The following TENM3 variants were observed in gnomAD, a reference collection of about 807,000 sequenced individuals.
TENM3 encodes the protein teneurin transmembrane protein 3.
A neutral mutation model predicts 255.1 loss-of-function variants in TENM3; 63 were observed. The observed-to-expected ratio is 0.25, with a 90% confidence interval of 0.20 to 0.30. TENM3 has a LOEUF of 0.30. Among genes scored for constraint, TENM3 ranks in the 10% least tolerant of loss-of-function variants. TENM3 has a pLI of 1.00. For synonymous variants in TENM3, 1,306 were observed against 1,322.3 expected (o/e 0.99, Z 0.27); for missense variants, 2,929 against 3,461.1 (o/e 0.85, Z 3.86).
At chr4:182,687,698 A>C (rs1301504994) in intron 11 of TENM3, among the ~76,000 whole-genome samples, 2 of 152,182 alleles carry the variant, frequency 1.3e-5, no homozygotes, top group African/African-American at 4.8e-5. Flanking sequence ...TAAATGTGGC[A>C]TTAGAAACAA....
chr4:182,481,099 T>G (rs1050839111), intron 3 of TENM3, among the ~76,000 whole-genome samples: 1 of 152,104 alleles, frequency 6.6e-6, no homozygotes, highest in African/African-American at 2.4e-5. Flanking sequence ...AGTGAATAAT[T>G]GAGAATTTGT....
At chr4:182,584,883 C>A (rs1004299430) in intron 3 of TENM3, among the ~76,000 whole-genome samples, 4 of 152,072 alleles carry the variant, frequency 2.6e-5, no homozygotes, top group Admixed American at 1.3e-4. Context: ...CTCAGGCAAT[C>A]CACCCACCTC....
chr4:181,569,741 T>C, the TENM3 span, among the ~76,000 whole-genome samples: 4 of 152,212 alleles, frequency 2.6e-5, no homozygotes, highest in Admixed American at 2.6e-4. Flanking sequence ...TGCCACTAGA[T>C]GTCAGGAACA....
chr4:182,780,869 G>A (rs1461441477), intron 24 of TENM3, among the ~76,000 whole-genome samples: 44 of 150,286 alleles, frequency 2.9e-4, no homozygotes, highest in African/African-American at 1.0e-3. Flanking sequence ...TCTGTTGTTG[G>A]TGTATAAGAA....
chr4:181,787,324 A>G, the TENM3 span, among the ~76,000 whole-genome samples: 1 of 150,138 alleles, frequency 6.7e-6, no homozygotes, highest in African/African-American at 2.5e-5. Flanking sequence ...GGCCATCATC[A>G]TCTTGCTACA....
chr4:182,109,466 A>C, the TENM3 span, among the ~76,000 whole-genome samples: 1 of 152,106 alleles, frequency 6.6e-6, no homozygotes, highest in Admixed American at 6.6e-5. Flanking sequence ...TGACAGAAAG[A>C]AAAATATTAC....
chr4:181,692,328 C>G, the TENM3 span, among the ~76,000 whole-genome samples: 5 of 152,134 alleles, frequency 3.3e-5, no homozygotes, highest in African/African-American at 1.2e-4. Flanking sequence ...TCTATCATTT[C>G]CAAGTCTAAG....
intron 1 of TENM3, among the ~76,000 whole-genome samples, chr4:182,297,334 C>T (rs1561293554): frequency 6.6e-6 from 1 of 152,150 alleles, no homozygotes; most frequent in Non-Finnish European, 1.5e-5. Flanking sequence ...ATGGTCCACC[C>T]AATACTGAAA....
intron 1 of TENM3, among the ~76,000 whole-genome samples, chr4:182,222,006 C>G (rs778765906): frequency 1.7e-4 from 26 of 152,064 alleles, no homozygotes; most frequent in Non-Finnish European, 3.4e-4. Flanking sequence ...CACAGTTAAC[C>G]CCTCAATCAA....
At chr4:182,732,577 G>C (rs1760856345) in intron 16 of TENM3, among the ~76,000 whole-genome samples, 1 of 152,196 alleles carries the variant, frequency 6.6e-6, no homozygotes, top group African/African-American at 2.4e-5. Flanking sequence ...TATAATTCCA[G>C]CACTTTGGGA....
At chr4:181,470,107 G>A in the TENM3 span, among the ~76,000 whole-genome samples, 1 of 24,842 alleles carries the variant, frequency 4.0e-5, no homozygotes. Context: ...TATAGCTTCT[G>A]TAAAAAAAAA....
chr4:181,470,737 C>T, the TENM3 span, among the ~76,000 whole-genome samples: 3 of 152,066 alleles, frequency 2.0e-5, no homozygotes, highest in Non-Finnish European at 4.4e-5. Flanking sequence ...ATTTGCTATT[C>T]CCATTTTTTG....
the TENM3 span, among the ~76,000 whole-genome samples, chr4:181,999,982 C>T: frequency 2.0e-5 from 3 of 152,154 alleles, no homozygotes; most frequent in Non-Finnish European, 2.9e-5. Context: ...CCTTCCAAAC[C>T]TGTGAAAATT....
chr4:182,074,991 C>A, the TENM3 span, among the ~76,000 whole-genome samples: 1 of 151,866 alleles, frequency 6.6e-6, no homozygotes, highest in East Asian at 1.9e-4. Flanking sequence ...GCTGCAAATT[C>A]CAGTGTCCAC....
chr4:181,787,247 C>CAATT, the TENM3 span, among the ~76,000 whole-genome samples: 1 of 151,732 alleles, frequency 6.6e-6, no homozygotes, highest in Middle Eastern at 3.2e-3. Context: ...CTCTTTGTGG[C>CAATT]AATTAAGATA....
At chr4:182,619,561 G>A (rs998464375) in intron 4 of TENM3, among the ~76,000 whole-genome samples, 1 of 152,174 alleles carries the variant, frequency 6.6e-6, no homozygotes, top group African/African-American at 2.4e-5. Flanking sequence ...TGTGCTTAAC[G>A]TAGAGTCATC....
chr4:181,645,005 C>A, the TENM3 span, among the ~76,000 whole-genome samples: 2 of 152,124 alleles, frequency 1.3e-5, 1 homozygote, highest in South Asian at 4.1e-4. Flanking sequence ...AATAAACAGG[C>A]ATTTGAGTAA....
the TENM3 span, among the ~76,000 whole-genome samples, chr4:181,934,793 C>T: frequency 2.0e-5 from 3 of 151,794 alleles, no homozygotes; most frequent in Admixed American, 6.6e-5. Context: ...TCCTAGTGTT[C>T]GAGTACTAGA....
At chr4:182,519,835 G>A (rs1237239626) in intron 3 of TENM3, among the ~76,000 whole-genome samples, 2 of 152,002 alleles carry the variant, frequency 1.3e-5, no homozygotes, top group Non-Finnish European at 2.9e-5. Flanking sequence ...AATTTCTAAC[G>A]GAATTTCTAA....
Sources: allele counts gnomAD v4.1 joint callset (sites outside exome capture counted in the v4.1 genomes callset), GRCh38; gene constraint gnomAD v4.1.1; transcripts MANE v1.5; gene names NCBI Gene and HGNC (gene_info 2026-07-23, HGNC 2026-07-21).